The following FGF14 variants were observed in gnomAD, a reference collection of about 807,000 sequenced individuals.
The protein encoded by FGF14 is fibroblast growth factor 14.
In FGF14, 5 loss-of-function variants were observed where a neutral mutation model predicts 25.5. That is an observed-to-expected ratio of 0.20 (90% CI 0.10 to 0.41). The LOEUF is 0.41. FGF14 is among the 10% of genes least tolerant of loss of function. The pLI is 1.00. For synonymous variants in FGF14, 138 were observed against 118.3 expected, an observed-to-expected ratio of 1.17 and a Z score of -1.08; for missense variants, 222 against 320.1, an observed-to-expected ratio of 0.69 and a Z score of 2.34.
chr13:102,274,482 G>A (rs1281386277), intron 1 of FGF14, among the ~76,000 whole-genome samples: 2 of 152,108 alleles, frequency 1.3e-5, no homozygotes, highest in African/African-American at 4.8e-5. Flanking sequence ...ATTCATGAAA[G>A]CAAGGATGCT....
chr13:101,762,635 G>A (rs2038102470), intron 3 of FGF14, among the ~76,000 whole-genome samples: 2 of 152,270 alleles, frequency 1.3e-5, no homozygotes, highest in East Asian at 1.9e-4. Context: ...AAAATAGCTG[G>A]CCCATCGGCA....
intron 1 of FGF14, among the ~76,000 whole-genome samples, chr13:102,095,275 C>T (rs963296530): frequency 2.6e-5 from 4 of 151,930 alleles, no homozygotes; most frequent in Admixed American, 6.6e-5. Context: ...GCTAATGGAC[C>T]GCCAGAGTAG....
Position 101,831,357 on chromosome 13 carries a change from T to C in FGF14, c.408+37368A>G, listed in dbSNP as rs574421136. 6.6e-5 allele frequency among the ~76,000 whole-genome samples: 10 copies of C among 152,056 alleles called. No individual in the cohort carries two copies. In the South Asian group the frequency reaches 1.9e-3, roughly 28 times the overall value. ...TTGGCCTCCCAAAGTGCTGAAATTATAGGCATGAGCCACCATACCCAACCT... is the reference window on the plus strand; with the variant it reads ...TTGGCCTCCCAAAGTGCTGAAATTACAGGCATGAGCCACCATACCCAACCT... On this transcript the variant is annotated intron_variant, in intron 3 of 4. Coordinates refer to ENST00000376143, the MANE Select transcript of FGF14 (RefSeq NM_004115.4).
chr13:101,844,564 C>G (rs1027463286), intron 3 of FGF14, among the ~76,000 whole-genome samples: 2 of 152,008 alleles, frequency 1.3e-5, no homozygotes, highest in Non-Finnish European at 2.9e-5. Context: ...TTTTTACCCT[C>G]TCATCCCTTG....
At chr13:101,981,330 C>A (rs997449384) in intron 1 of FGF14, among the ~76,000 whole-genome samples, 10 of 152,070 alleles carry the variant, frequency 6.6e-5, no homozygotes, top group Admixed American at 2.0e-4. Context: ...CCCCTTCCGC[C>A]ATGTAAGGAC....
intron 3 of FGF14, among the ~76,000 whole-genome samples, chr13:101,865,769 T>C (rs2044668081): frequency 6.6e-6 from 1 of 152,150 alleles, no homozygotes; most frequent in African/African-American, 2.4e-5. Context: ...GAATTCAAAT[T>C]AGATGACCTG....
At position 101,711,808 on chromosome 13, in the gene FGF14, T is replaced by C. The variant is rs2034480744; in HGVS notation, c.*11023A>G. ...GCACAGAAGGGAGATGGGAACATTC[T>C]CAAGGGTCCTTATATTGAGAAAGAA... On this transcript the variant is annotated 3_prime_UTR_variant, in exon 5 of 5. Transcript: ENST00000376143. The C allele has an allele frequency of 6.6e-6, 1 of 152,198 alleles. No homozygotes were observed. Among genetic ancestry groups the C allele is most frequent in the African/African-American group, 2.4e-5 (1 of 41,446 alleles). The allele number at this position is 152,198 out of a possible 1,614,324, so 9.4% of individuals were successfully genotyped here.
At chr13:101,723,065 T>C (rs1263430408) in intron 4 of FGF14, 98 bp from the exon 5 acceptor site, 2 of 1,447,332 alleles carry the variant, frequency 1.4e-6, no homozygotes, top group Non-Finnish European at 1.9e-6. Context: ...AGTTTGCCCA[T>C]TTCTGTTTTC....
chr13:102,056,885 C>A (rs1172937731), intron 1 of FGF14, among the ~76,000 whole-genome samples: 1 of 150,228 alleles, frequency 6.7e-6, no homozygotes, highest in Non-Finnish European at 1.5e-5. Context: ...CCTTTTATTG[C>A]AATAGGTAAT....
chr13:101,820,771 CCACACACCACACACACA>C (rs146033620), intron 3 of FGF14, among the ~76,000 whole-genome samples: 36,116 of 91,680 alleles, frequency 0.39, 6,801 homozygotes, highest in Admixed American at 0.46. Flanking sequence ...CACACACACA[CCACACACCACACACACA>C]CACACACACA....
At chr13:102,237,381 G>GC (rs2051375676) in intron 1 of FGF14, among the ~76,000 whole-genome samples, 1 of 152,168 alleles carries the variant, frequency 6.6e-6, no homozygotes, top group Admixed American at 6.5e-5. Flanking sequence ...CCCAGCAAAA[G>GC]CCCCGGAGAG....
chr13:102,396,167 G>A (rs1269226954), intron 1 of FGF14, among the ~76,000 whole-genome samples: 2 of 152,272 alleles, frequency 1.3e-5, no homozygotes, highest in Non-Finnish European at 2.9e-5. Context: ...TGAGCAGGCA[G>A]ATGTGTAAAT....
chr13:101,816,286 T>G (rs3927443), intron 3 of FGF14, among the ~76,000 whole-genome samples: 32,850 of 125,072 alleles, frequency 0.26, 5,431 homozygotes, highest in African/African-American at 0.35. Context: ...AAAAAAAAAA[T>G]TTGGCTTACC....
At position 101,794,681 on chromosome 13, in the gene FGF14, A is replaced by G. The variant is rs9585783; in HGVS notation, c.409-67871T>C. ...AAAATGTGTCCCTGAAACCCATGCT[A>G]TATTCAACTGAATATTCTAATGTCT... On this transcript the variant is annotated intron_variant, in intron 3 of 4. Coordinates refer to ENST00000376143, the MANE Select transcript of FGF14 (RefSeq NM_004115.4). 1.3e-3 allele frequency among the ~76,000 whole-genome samples: 196 copies of G among 152,220 alleles called. 1 individual carries two copies. The highest frequency in any genetic ancestry group is 4.6e-3 in the African/African-American group (190 of 41,558).
chr13:102,188,155 T>C (rs975094209), intron 1 of FGF14, among the ~76,000 whole-genome samples: 3 of 152,152 alleles, frequency 2.0e-5, no homozygotes, highest in Admixed American at 6.5e-5. Context: ...TTAAAACATA[T>C]ATTGGCTATC....
At chr13:102,175,073 G>A (rs1055882471) in intron 1 of FGF14, among the ~76,000 whole-genome samples, 5 of 152,066 alleles carry the variant, frequency 3.3e-5, no homozygotes, top group Non-Finnish European at 7.4e-5. Flanking sequence ...AATTACCAAT[G>A]TCATAGAAAT....
chr13:102,055,744 T>G (rs1360715952), intron 1 of FGF14, among the ~76,000 whole-genome samples: 1 of 152,210 alleles, frequency 6.6e-6, no homozygotes, highest in African/African-American at 2.4e-5. Context: ...AGCCTGCCTA[T>G]TTTTGCAAAT....
At chr13:101,844,100 T>G (rs372803080) in intron 3 of FGF14, among the ~76,000 whole-genome samples, 7 of 152,110 alleles carry the variant, frequency 4.6e-5, no homozygotes, top group East Asian at 3.9e-4. Context: ...AAAAGCCTTT[T>G]TGTGTGTGTG....
intron 1 of FGF14, among the ~76,000 whole-genome samples, chr13:102,206,221 C>A (rs2049916770): frequency 6.6e-6 from 1 of 151,664 alleles, no homozygotes; most frequent in Non-Finnish European, 1.5e-5. Context: ...AAATCTCATT[C>A]CTCGATGCAT....
Sources: allele counts gnomAD v4.1 joint callset (sites outside exome capture counted in the v4.1 genomes callset), GRCh38; gene constraint gnomAD v4.1.1; transcripts MANE v1.5; gene names NCBI Gene and HGNC (gene_info 2026-07-23, HGNC 2026-07-21).